The following XIRP2 variants were observed in gnomAD, a reference collection of about 807,000 sequenced individuals.
XIRP2 encodes the protein xin actin binding repeat containing 2.
In XIRP2, 236 loss-of-function variants were observed where a neutral mutation model predicts 277.0. The ratio of observed to expected loss-of-function variants is 0.85; its 90% CI spans 0.77 to 0.95. The LOEUF (loss-of-function observed/expected upper bound fraction) is 0.95. Among genes scored for constraint, XIRP2 ranks in the 40% least tolerant of loss-of-function variants. XIRP2 has a pLI of 0.00. For missense variants in XIRP2, 4,640 were observed against 4,157.5 expected, an observed-to-expected ratio of 1.12 and a Z score of -3.19; for synonymous variants, 1,490 against 1,416.5, an observed-to-expected ratio of 1.05 and a Z score of -1.17.
At position 167,251,711 on chromosome 2, in the gene XIRP2, A is replaced by T. The variant is rs201590055; in HGVS notation, c.10319A>T (p.His3440Leu). 470 of 1,613,410 alleles carry T rather than the reference A, an allele frequency of 2.9e-4. 2 individuals carry two copies. In the South Asian group the frequency reaches 4.8e-3, roughly 17 times the overall value. Residue 3440 changes from histidine to leucine, a missense_variant, in exon 9 of 11, where the codon CAT becomes CTT. His to Leu is a moderately conservative substitution (Grantham distance 99). Transcript: ENST00000409195. The part of the protein sequence containing the change: ...VESKMKTSSS[H>L]SSEAGKSGCD... ...TCGAAGATGAAAACCTCTTCATCACATAGCTCAGAAGCTGGCAAATCTGGC... is the reference window on the plus strand; with the variant it reads ...TCGAAGATGAAAACCTCTTCATCACTTAGCTCAGAAGCTGGCAAATCTGGC...
intron 2 of XIRP2, among the ~76,000 whole-genome samples, chr2:167,053,715 A>G (rs1161759577): frequency 6.6e-6 from 1 of 152,210 alleles, no homozygotes; most frequent in Non-Finnish European, 1.5e-5. Context: ...TAGTCAAAGT[A>G]ATTCTGTATG....
chr2:166,950,780 A>T (rs1686007178), intron 2 of XIRP2, among the ~76,000 whole-genome samples: 1 of 152,010 alleles, frequency 6.6e-6, no homozygotes, highest in South Asian at 2.1e-4. Context: ...TCTTGTTGTT[A>T]TGGTGAAGCC....
chr2:167,063,031 C>T (rs1270753675), intron 2 of XIRP2, among the ~76,000 whole-genome samples: 6 of 151,944 alleles, frequency 3.9e-5, no homozygotes, highest in Non-Finnish European at 8.8e-5. Context: ...GCAAACACTT[C>T]TAACATTGAT....
At chr2:166,964,449 A>G (rs1209367562) in intron 2 of XIRP2, among the ~76,000 whole-genome samples, 1 of 151,828 alleles carries the variant, frequency 6.6e-6, no homozygotes, top group Non-Finnish European at 1.5e-5. Flanking sequence ...AATATCTGAT[A>G]TTAATACTAT....
intron 2 of XIRP2, among the ~76,000 whole-genome samples, chr2:167,038,320 G>A (rs1688571240): frequency 6.6e-6 from 1 of 151,900 alleles, no homozygotes; most frequent in Middle Eastern, 3.6e-3. Context: ...TGTAAATGAA[G>A]CTAAAAGAGG....
chr2:167,129,881 AAAAAG>A (rs1443485280), intron 2 of XIRP2, among the ~76,000 whole-genome samples: 9 of 151,134 alleles, frequency 6.0e-5, no homozygotes, highest in African/African-American at 1.5e-4. Flanking sequence ...AAAAAAAAAA[AAAAAG>A]AAAAGAAAAG....
intron 2 of XIRP2, among the ~76,000 whole-genome samples, chr2:167,121,933 A>T (rs1225477044): frequency 6.6e-6 from 1 of 152,168 alleles, no homozygotes; most frequent in East Asian, 1.9e-4. Context: ...AAGAGACATA[A>T]TGATATACTC....
chr2:167,241,951 A>G (rs371919866), intron 8 of XIRP2, 41 bp downstream of exon 8: 472 of 1,559,176 alleles, frequency 3.0e-4, no homozygotes, highest in Admixed American at 7.0e-4. Context: ...TAAGTGTAAG[A>G]CCAAGCTTAA....
chr2:167,114,378 C>G (rs1180629032), intron 2 of XIRP2, among the ~76,000 whole-genome samples: 2 of 152,056 alleles, frequency 1.3e-5, no homozygotes, highest in Non-Finnish European at 2.9e-5. Flanking sequence ...AGTTTTCAAG[C>G]TCTGAGATTC....
At chr2:166,913,065 G>A (rs1684756728) in intron 2 of XIRP2, among the ~76,000 whole-genome samples, 1 of 152,202 alleles carries the variant, frequency 6.6e-6, no homozygotes, top group South Asian at 2.1e-4. Flanking sequence ...ACCCACTTGA[G>A]GAGGCAGTCT....
Position 167,251,165 on chromosome 2 carries a change from C to T in XIRP2, c.9773C>T (p.Ala3258Val), listed in dbSNP as rs1159548338. The T allele has an allele frequency of 6.2e-7, 1 of 1,613,288 alleles. No homozygotes were observed. The highest frequency in any genetic ancestry group is 8.5e-7 in the Non-Finnish European group (1 of 1,179,736). The change falls in exon 9 of 11, where the codon GCT becomes GTT. Residue 3258 changes from alanine to valine, a missense_variant. By Grantham distance (64) the Ala-to-Val change is moderately conservative (BLOSUM62 0). Coordinates refer to ENST00000409195, the MANE Select transcript of XIRP2 (RefSeq NM_152381.6). Reference sequence around the variant, plus strand: ...GGTTCCTTCAGAGAATCTGTGGACGCTCAAGAGGAAATCAGGAAAGTGGAG... The same window carrying T: ...GGTTCCTTCAGAGAATCTGTGGACGTTCAAGAGGAAATCAGGAAAGTGGAG... ...ASGSFRESVD[A>V]QEEIRKVEKR...
chr2:167,002,123 T>A (rs1687390717), intron 2 of XIRP2, among the ~76,000 whole-genome samples: 1 of 152,074 alleles, frequency 6.6e-6, no homozygotes, highest in Non-Finnish European at 1.5e-5. Flanking sequence ...TTTACATGGC[T>A]TGTTTCAAGT....
At chr2:167,124,787 A>T (rs1229828903) in intron 2 of XIRP2, among the ~76,000 whole-genome samples, 1 of 152,162 alleles carries the variant, frequency 6.6e-6, no homozygotes, top group Non-Finnish European at 1.5e-5. Flanking sequence ...TTCTATAGAA[A>T]ATGGTGGCAA....
intron 2 of XIRP2, among the ~76,000 whole-genome samples, chr2:167,052,092 C>A (rs1688927282): frequency 6.6e-6 from 1 of 151,920 alleles, no homozygotes; most frequent in African/African-American, 2.4e-5. Context: ...AAAAGATAAG[C>A]AAGACCCTAT....
Position 167,244,719 on chromosome 2 carries a change from A to T in XIRP2, c.3327A>T (p.Lys1109Asn). 1.2e-6 allele frequency: 2 copies of T among 1,613,130 alleles called. No homozygotes were observed. Among genetic ancestry groups the T allele is most frequent in the South Asian group, 1.1e-5 (1 of 90,896 alleles). ...ETQPMESLYE[K>N]VSLMTSSEEI... ...AGCCAATGGAGTCTCTTTATGAAAA[A>T]GTTTCGTTAATGACCAGCAGTGAAG... Residue 1109 changes from lysine to asparagine, a missense_variant, in exon 9 of 11, where the codon AAA becomes AAT. Lys to Asn is a moderately conservative substitution (Grantham distance 94). Coordinates refer to ENST00000409195, the MANE Select transcript of XIRP2 (RefSeq NM_152381.6).
At chr2:166,918,078 C>T (rs949875445) in intron 2 of XIRP2, among the ~76,000 whole-genome samples, 5 of 152,138 alleles carry the variant, frequency 3.3e-5, no homozygotes, top group Non-Finnish European at 4.4e-5. Flanking sequence ...TTTTGCCCTT[C>T]GCAGTACATC....
chr2:166,912,686 G>A (rs565316433), intron 2 of XIRP2, among the ~76,000 whole-genome samples: 2 of 152,288 alleles, frequency 1.3e-5, no homozygotes, highest in East Asian at 1.9e-4. Context: ...GAGGTGCTCT[G>A]AGTTTTAGAA....
intron 2 of XIRP2, among the ~76,000 whole-genome samples, chr2:166,933,071 CACACACACACACACAT>C (rs1284238714): frequency 6.6e-6 from 1 of 151,804 alleles, no homozygotes; most frequent in Admixed American, 6.6e-5. Flanking sequence ...TTAATCTACA[CACACACACACACACAT>C]ACACACACAC....
chr2:167,009,831 C>T (rs6723193), intron 2 of XIRP2, among the ~76,000 whole-genome samples: 79,917 of 151,972 alleles, frequency 0.53, 23,036 homozygotes, highest in East Asian at 0.82. Context: ...GTGAGCATTT[C>T]TTCATGTGTT....
Sources: gnomAD v4.1 joint callset for allele counts (sites outside exome capture counted in the v4.1 genomes callset) on GRCh38, gnomAD v4.1.1 for gene constraint, MANE v1.5 for transcripts, NCBI Gene and HGNC (gene_info 2026-07-23, HGNC 2026-07-21) for gene names.